STXBP5L: variants seen among roughly 807,000 people sequenced by gnomAD.
The protein encoded by STXBP5L is syntaxin binding protein 5L, also known as syntaxin-binding protein 5-like.
Under a neutral mutation model 144.5 loss-of-function variants are expected in STXBP5L, and 65 were observed. The ratio of observed to expected loss-of-function variants is 0.45; its 90% CI spans 0.37 to 0.55. The LOEUF is 0.55. Ranked by LOEUF, STXBP5L falls within the 20% of genes least tolerant of loss-of-function variation. The pLI, the probability that STXBP5L is intolerant of heterozygous loss-of-function variation, is 0.00. For missense variants in STXBP5L, 1,298 were observed against 1,405.5 expected, an observed-to-expected ratio of 0.92 and a Z score of 1.22; for synonymous variants, 505 against 469.6, an observed-to-expected ratio of 1.08 and a Z score of -0.97.
intron 3 of STXBP5L, among the ~76,000 whole-genome samples, chr3:121,006,576 A>C (rs1384880327): frequency 3.9e-5 from 6 of 152,138 alleles, no homozygotes; most frequent in Non-Finnish European, 8.8e-5. Flanking sequence ...GTTATGTATG[A>C]ATTTGATCCT....
chr3:120,976,186 G>C (rs1439238975), intron 3 of STXBP5L, among the ~76,000 whole-genome samples: 1 of 152,052 alleles, frequency 6.6e-6, no homozygotes, highest in African/African-American at 2.4e-5. Flanking sequence ...GACTCTTTTT[G>C]GTTGGTAAGC....
chr3:121,176,488 G>A (rs1373608349), intron 9 of STXBP5L, among the ~76,000 whole-genome samples: 2 of 70,410 alleles, frequency 2.8e-5, no homozygotes, highest in Admixed American at 1.8e-4. Flanking sequence ...AGCCAAACTG[G>A]CCAAAAAAAA....
intron 20 of STXBP5L, among the ~76,000 whole-genome samples, chr3:121,341,936 A>T (rs1057180323): frequency 6.6e-6 from 1 of 152,038 alleles, no homozygotes. Context: ...CTAGCACAAC[A>T]TGACTACAGT....
chr3:121,253,877 T>C (rs2050121137), intron 15 of STXBP5L, among the ~76,000 whole-genome samples: 1 of 148,378 alleles, frequency 6.7e-6, no homozygotes, highest in East Asian at 2.0e-4. Flanking sequence ...ATAGTCTCGA[T>C]CTCCTGACCT....
In STXBP5L at chr3:121,157,426, G is replaced by A. The variant is rs958397508; in HGVS notation, c.754-78G>A. The A allele has an allele frequency of 7.3e-6, 10 of 1,375,164 alleles. No individual in the cohort carries two copies. In the African/African-American group the frequency reaches 1.2e-4, roughly 17 times the overall value. 85.2% of individuals were successfully genotyped at this position (1,375,164 alleles called of 1,614,324 possible). ...AGTATAATAATTTTATATCAGAATAGTTTTTCTTTGGAATATAGAATGATA... is the reference window on the plus strand; with the variant it reads ...AGTATAATAATTTTATATCAGAATAATTTTTCTTTGGAATATAGAATGATA... On this transcript the variant is annotated intron_variant, in intron 8 of 26. Coordinates refer to ENST00000471454, the MANE Select transcript of STXBP5L (RefSeq NM_001308330.2).
intron 20 of STXBP5L, among the ~76,000 whole-genome samples, chr3:121,327,999 C>T (rs1032093036): frequency 2.6e-5 from 4 of 152,118 alleles, no homozygotes; most frequent in African/African-American, 4.8e-5. Flanking sequence ...CACAATGTGA[C>T]TTAAGGAGAT....
intron 20 of STXBP5L, among the ~76,000 whole-genome samples, chr3:121,358,652 C>T (rs1341355245): frequency 2.0e-5 from 3 of 152,134 alleles, no homozygotes; most frequent in Non-Finnish European, 4.4e-5. Flanking sequence ...TGGGTGGTGA[C>T]ACAGAGCCAA....
intron 3 of STXBP5L, among the ~76,000 whole-genome samples, chr3:120,987,372 A>G (rs771832437): frequency 1.3e-5 from 2 of 151,966 alleles, no homozygotes; most frequent in Non-Finnish European, 2.9e-5. Context: ...CATGCTGGCT[A>G]ATGACATTGA....
chr3:121,288,777 T>C (rs1375592024), intron 19 of STXBP5L, among the ~76,000 whole-genome samples: 1 of 152,236 alleles, frequency 6.6e-6, no homozygotes, highest in Non-Finnish European at 1.5e-5. Context: ...TATTTTCTCC[T>C]ATCCTGAAGG....
At chr3:121,044,792 A>T (rs1247210639) in intron 4 of STXBP5L, among the ~76,000 whole-genome samples, 1 of 152,166 alleles carries the variant, frequency 6.6e-6, no homozygotes, top group Non-Finnish European at 1.5e-5. Flanking sequence ...ATTGTATGCG[A>T]AATAGGATTC....
At chr3:121,248,762 A>G (rs902218452) in intron 14 of STXBP5L, among the ~76,000 whole-genome samples, 1 of 152,082 alleles carries the variant, frequency 6.6e-6, no homozygotes. Context: ...TTCTTCTAGG[A>G]TTTTAGTAGT....
intron 19 of STXBP5L, among the ~76,000 whole-genome samples, chr3:121,300,153 A>C (rs941270840): frequency 6.6e-6 from 1 of 152,248 alleles, no homozygotes; most frequent in East Asian, 1.9e-4. Context: ...AATTGAAGCT[A>C]GAGACAACAT....
intron 5 of STXBP5L, among the ~76,000 whole-genome samples, chr3:121,058,729 A>T (rs1018050801): frequency 2.0e-5 from 3 of 152,194 alleles, no homozygotes; most frequent in African/African-American, 4.8e-5. Flanking sequence ...ATGACCAGTG[A>T]TGATGAGCTG....
intron 20 of STXBP5L, among the ~76,000 whole-genome samples, chr3:121,371,820 T>C (rs988932380): frequency 6.6e-5 from 10 of 152,238 alleles, no homozygotes; most frequent in South Asian, 2.1e-4. Context: ...GCAGTGTTGC[T>C]GCACAGGTGG....
At chr3:121,346,136 G>A (rs990370494) in intron 20 of STXBP5L, among the ~76,000 whole-genome samples, 1 of 141,560 alleles carries the variant, frequency 7.1e-6, no homozygotes, top group Non-Finnish European at 1.5e-5. Context: ...CCCAGGGTGT[G>A]ATGTTTCCCT....
At chr3:121,017,067 T>A (rs1375317939) in intron 3 of STXBP5L, among the ~76,000 whole-genome samples, 1 of 152,050 alleles carries the variant, frequency 6.6e-6, no homozygotes, top group East Asian at 1.9e-4. Context: ...AATCCAACAA[T>A]GTACAAAAAG....
intron 5 of STXBP5L, among the ~76,000 whole-genome samples, chr3:121,102,731 C>A (rs1030356281): frequency 1.3e-5 from 2 of 152,086 alleles, no homozygotes; most frequent in Non-Finnish European, 2.9e-5. Flanking sequence ...AACTTCTGCA[C>A]AGCAAGATAA....
At chr3:121,240,296 AAGAC>A (rs552741966) in intron 13 of STXBP5L, 140 bp from the exon 14 acceptor site, 3 of 636,214 alleles carry the variant, frequency 4.7e-6, no homozygotes, top group Non-Finnish European at 7.8e-6. Context: ...AAAGAATTAA[AAGAC>A]AGCTACACAC....
chr3:121,392,768 GGCATATAT>G (rs1322112508), intron 22 of STXBP5L, among the ~76,000 whole-genome samples: 2 of 61,434 alleles, frequency 3.3e-5, no homozygotes, highest in Non-Finnish European at 6.4e-5. Context: ...AGTATTTCAT[GGCATATAT>G]ATATATATAT....
Sources: allele counts gnomAD v4.1 joint callset (sites outside exome capture counted in the v4.1 genomes callset), GRCh38; gene constraint gnomAD v4.1.1; transcripts MANE v1.5; gene names NCBI Gene and HGNC (gene_info 2026-07-23, HGNC 2026-07-21).